The following SAAL1 variants were observed in gnomAD, a reference collection of about 807,000 sequenced individuals.
SAAL1 encodes protein SAAL1.
Under a neutral mutation model 59.8 loss-of-function variants are expected in SAAL1, and 42 were observed. That is an observed-to-expected ratio of 0.70 (90% CI 0.55 to 0.91). The LOEUF is 0.91. Ranked by LOEUF, SAAL1 falls within the 40% of genes least tolerant of loss-of-function variation. The pLI, the probability that SAAL1 is intolerant of heterozygous loss-of-function variation, is 0.00. For missense variants in SAAL1, 542 were observed against 561.1 expected (o/e 0.97, Z 0.34); for synonymous variants, 191 against 194.3 (o/e 0.98, Z 0.14).
intron 4 of SAAL1, 88 bp from the exon 5 acceptor site, chr11:18,090,581 T>G: frequency 7.1e-7 from 1 of 1,404,626 alleles, no homozygotes; most frequent in Non-Finnish European, 9.7e-7. Context: ...ACATCTTTAT[T>G]GTGAAATACA....
intron 3 of SAAL1, among the ~76,000 whole-genome samples, chr11:18,095,719 G>A (rs1429582524): frequency 6.6e-6 from 1 of 152,166 alleles, no homozygotes; most frequent in Non-Finnish European, 1.5e-5. Flanking sequence ...ATAGCACATG[G>A]CAATTTAATT....
At chr11:18,081,733 C>G in intron 10 of SAAL1, 1 of 465,586 alleles carries the variant, frequency 2.1e-6, no homozygotes, top group East Asian at 3.2e-5. Context: ...AGACTACAAA[C>G]TTGGAACACA....
intron 10 of SAAL1, 162 bp from the exon 11 acceptor site, chr11:18,081,665 A>G: frequency 1.7e-6 from 1 of 604,906 alleles, no homozygotes; most frequent in East Asian, 2.8e-5. Flanking sequence ...TAACCCAAAC[A>G]TGTTCTCCAC....
Position 18,083,540 on chromosome 11 carries a change from T to A in SAAL1, c.1234A>T (p.Thr412Ser). 1 of 1,561,200 alleles carries A rather than the reference T, an allele frequency of 6.4e-7. No homozygotes were observed. Among genetic ancestry groups the A allele is most frequent in the Non-Finnish European group, 8.8e-7 (1 of 1,134,984 alleles). The stretch of plus-strand genomic sequence containing the variant: ...CATCAATACTTCTTTCCTACCTTTG[T>A]TAATGCCTGAAAAATATTAGAAAGA... ...EFLSNIFQAL[T>S]KETVAQGVKE... is the part of the protein sequence containing the mutation. The change falls in exon 10 of 12, where the codon ACA (threonine) becomes TCA (serine). Residue 412 changes from threonine to serine, a missense_variant. Physicochemically the swap from Thr to Ser is moderately conservative, Grantham distance 58. Coordinates refer to ENST00000524803, the MANE Select transcript of SAAL1 (RefSeq NM_138421.3).
chr11:18,080,579 T>C (rs1848399239), intron 11 of SAAL1, 88 bp from the exon 12 acceptor site: 1 of 753,530 alleles, frequency 1.3e-6, no homozygotes, highest in East Asian at 2.7e-5. Flanking sequence ...GGTTTCTAAA[T>C]GGTCCAATGG....
intron 2 of SAAL1, among the ~76,000 whole-genome samples, chr11:18,098,601 G>C (rs1462069386): frequency 6.6e-6 from 1 of 152,244 alleles, no homozygotes; most frequent in African/African-American, 2.4e-5. Context: ...ATCTCAAAGA[G>C]ACAGGCAATT....
intron 9 of SAAL1, among the ~76,000 whole-genome samples, chr11:18,086,228 C>A (rs991027785): frequency 6.6e-6 from 1 of 151,778 alleles, no homozygotes; most frequent in Admixed American, 6.6e-5. Flanking sequence ...GATTGTGAGA[C>A]CCTGTCTCTA....
At chr11:18,104,952 G>A (rs559935726) in intron 1 of SAAL1, among the ~76,000 whole-genome samples, 1 of 152,164 alleles carries the variant, frequency 6.6e-6, no homozygotes, top group East Asian at 1.9e-4. Context: ...AGGAGGAGAG[G>A]AACCAATTAG....
chr11:18,089,973 A>C (rs1259479508), intron 6 of SAAL1, among the ~76,000 whole-genome samples: 1 of 152,176 alleles, frequency 6.6e-6, no homozygotes, highest in African/African-American at 2.4e-5. Flanking sequence ...CCTTGAGATC[A>C]GGAGTTTGAG....
chr11:18,099,924 C>T (rs1848617696), intron 2 of SAAL1, among the ~76,000 whole-genome samples: 1 of 152,128 alleles, frequency 6.6e-6, no homozygotes, highest in Non-Finnish European at 1.5e-5. Context: ...GCGCCAGGGA[C>T]CTCAATTGTC....
Position 18,080,363 on chromosome 11 carries a change from T to C in SAAL1, c.*36A>G, listed in dbSNP as rs774346376. 1 of 1,309,612 alleles carries C rather than the reference T, an allele frequency of 7.6e-7. No homozygotes were observed. The allele number at this position is 1,309,612 out of a possible 1,614,324, so 81.1% of individuals were successfully genotyped here. On this transcript the variant is annotated 3_prime_UTR_variant, in exon 12 of 12. Transcript: ENST00000524803. ...TCAACTGTCAGTGAGAAAAATAAAG[T>C]TTATTTCTTGTACAGAAGTAATTCC... is the stretch of plus-strand genomic sequence containing the variant.
At chr11:18,090,617 A>T (rs1848514440) in intron 4 of SAAL1, 124 bp from the exon 5 acceptor site, 1 of 1,008,706 alleles carries the variant, frequency 9.9e-7, no homozygotes, top group Non-Finnish European at 1.4e-6. Context: ...AGCTCAAAAG[A>T]TACAAATCTA....
chr11:18,081,148 C>T (rs1390595943), intron 11 of SAAL1, among the ~76,000 whole-genome samples: 1 of 152,090 alleles, frequency 6.6e-6, no homozygotes, highest in Non-Finnish European at 1.5e-5. Context: ...TCCCTCTCTC[C>T]CTCCCCTCCT....
At chr11:18,090,630 G>A in intron 4 of SAAL1, 137 bp from the exon 5 acceptor site, 2 of 931,762 alleles carry the variant, frequency 2.1e-6, no homozygotes, top group Non-Finnish European at 3.1e-6. Flanking sequence ...CAAATCTATA[G>A]TTAATAAATA....
chr11:18,087,051 T>G lies in SAAL1; in HGVS notation c.857A>C (p.His286Pro), dbSNP rs766389237. ...TVDDGIQAIV[H>P]CPDTGKDIWN... ...AATGTCTTTTCCAGTGTCAGGACAA[T>G]GTACTTAATAAAGAGGACAAATAAA... is the stretch of plus-strand genomic sequence containing the variant. The change falls in exon 9 of 12, where the codon CAT becomes CCT. Residue 286 changes from histidine to proline, a missense_variant. Physicochemically the swap from His to Pro is moderately conservative, Grantham distance 77 (BLOSUM62 -2). Coordinates refer to ENST00000524803, the MANE Select transcript of SAAL1 (RefSeq NM_138421.3). 1 of 1,613,014 alleles carries G rather than the reference T, an allele frequency of 6.2e-7. No homozygotes were observed. Among genetic ancestry groups the G allele is most frequent in the East Asian group, 2.2e-5 (1 of 44,870 alleles).
At chr11:18,100,471 T>A (rs1848623004) in intron 2 of SAAL1, among the ~76,000 whole-genome samples, 1 of 152,260 alleles carries the variant, frequency 6.6e-6, no homozygotes, top group Admixed American at 6.5e-5. Flanking sequence ...GGCTCACGCC[T>A]GTAATCCCAG....
rs1848580241 is a variant in SAAL1 at position 18,096,703 on chromosome 11, A to G, written c.333+68T>C. On this transcript the variant is annotated intron_variant, in intron 3 of 11. Coordinates refer to ENST00000524803, the MANE Select transcript of SAAL1 (RefSeq NM_138421.3). ...TAAGAAAATCAAAGTGAGAAAAATA[A>G]AAGACTATCCAGCACTATCTGTTCT... 6.0e-6 allele frequency: 5 copies of G among 833,722 alleles called. No homozygotes were observed. In the South Asian group the frequency reaches 7.1e-5, roughly 12 times the overall value. 51.6% of individuals were successfully genotyped at this position (833,722 alleles called of 1,614,324 possible).
At position 18,083,558 on chromosome 11, in the gene SAAL1, TAGAA is replaced by T. The variant is rs1161814100; in HGVS notation, c.1212_1215del (p.Ser405IlefsTer6). 3 of 1,582,700 alleles carry T rather than the reference TAGAA, an allele frequency of 1.9e-6. No individual in the cohort carries two copies. The highest frequency in any genetic ancestry group is 1.7e-6 in the Non-Finnish European group (2 of 1,154,028). On this transcript the variant is annotated frameshift_variant, in exon 10 of 12. Transcript: ENST00000524803. LOFTEE classifies it high-confidence loss of function. ...ACCTTTGTTAATGCCTGAAAAATAT[TAGAA>T]AGAAATTCACATAAAATATCCTTTA...
chr11:18,092,258 C>T lies in SAAL1; in HGVS notation c.400G>A (p.Asp134Asn). The T allele has an allele frequency of 6.3e-7, 1 of 1,577,040 alleles. No individual in the cohort carries two copies. The highest frequency in any genetic ancestry group is 8.7e-7 in the Non-Finnish European group (1 of 1,149,498). The change falls in exon 4 of 12, where the codon GAT (aspartate) becomes AAT (asparagine). Residue 134 changes from aspartate to asparagine, a missense_variant. Coordinates refer to ENST00000524803, the MANE Select transcript of SAAL1 (RefSeq NM_138421.3). ...FQEICVSISS[D>N]KNLGQVLLHC... ...AGTAAGACTTACCCAAGATTTTTAT[C>T]ACTGCTGATGGACACACATATCTCC...
Sources: gnomAD v4.1 joint callset for allele counts (sites outside exome capture counted in the v4.1 genomes callset) on GRCh38, gnomAD v4.1.1 for gene constraint, MANE v1.5 for transcripts, NCBI Gene and HGNC (gene_info 2026-07-23, HGNC 2026-07-21) for gene names.